Variants in GPHN observed in about 807,000 individuals in gnomAD.
The protein encoded by GPHN is gephyrin.
GPHN carries 17 observed loss-of-function variants against 95.5 expected under a neutral mutation model. The observed-to-expected ratio is 0.18, with a 90% confidence interval of 0.12 to 0.27. The LOEUF (loss-of-function observed/expected upper bound fraction) is 0.27, where lower values mean the gene tolerates loss of function less well. Ranked by LOEUF, GPHN falls within the 10% of genes least tolerant of loss-of-function variation. The pLI, the probability that GPHN is intolerant of heterozygous loss-of-function variation, is 1.00. For missense variants in GPHN, 660 were observed against 978.1 expected, an observed-to-expected ratio of 0.67 and a Z score of 4.34; for synonymous variants, 320 against 322.5, an observed-to-expected ratio of 0.99 and a Z score of 0.08.
intron 5 of GPHN, among the ~76,000 whole-genome samples, chr14:66,912,571 A>C (rs963615281): frequency 6.6e-6 from 1 of 152,112 alleles, no homozygotes; most frequent in East Asian, 1.9e-4. Flanking sequence ...TTGTTATCAG[A>C]CTTTCTTTTC....
At chr14:67,573,611 C>A in the GPHN span, among the ~76,000 whole-genome samples, 1 of 152,156 alleles carries the variant, frequency 6.6e-6, no homozygotes, top group African/African-American at 2.4e-5. The surrounding 1 kb of genome is among the most constrained non-coding windows in gnomAD (Gnocchi z 4.8). Flanking sequence ...TCAGAAGGAC[C>A]CATGTTCCTG....
At chr14:67,619,786 T>C in the GPHN span, 6 of 544,462 alleles carry the variant, frequency 1.1e-5, no homozygotes, top group Non-Finnish European at 1.9e-5. Context: ...TGCAGAGCGG[T>C]GGGCGGGGCC....
chr14:67,199,604 T>C, the GPHN span: 2 of 1,591,154 alleles, frequency 1.3e-6, no homozygotes, highest in Non-Finnish European at 1.7e-6. Context: ...CGAGAAGGAC[T>C]CCAAGGGTGA....
the GPHN span, among the ~76,000 whole-genome samples, chr14:67,307,337 C>T: frequency 1.3e-5 from 2 of 152,126 alleles, no homozygotes; most frequent in African/African-American, 4.8e-5. Context: ...GCATAATAGA[C>T]TTTTATCTGA....
At chr14:67,693,854 C>A in the GPHN span, among the ~76,000 whole-genome samples, 1 of 151,972 alleles carries the variant, frequency 6.6e-6, no homozygotes, top group Non-Finnish European at 1.5e-5. Context: ...TTTCACCACG[C>A]TGGCCAGGAT....
At chr14:67,345,043 A>G in the GPHN span, among the ~76,000 whole-genome samples, 1 of 152,192 alleles carries the variant, frequency 6.6e-6, no homozygotes, top group African/African-American at 2.4e-5. Flanking sequence ...GGAGTTCGAG[A>G]CCAGCCTGGA....
chr14:66,826,763 C>T (rs559176992), intron 4 of GPHN, among the ~76,000 whole-genome samples: 6 of 152,190 alleles, frequency 3.9e-5, no homozygotes, highest in South Asian at 4.2e-4. Context: ...CAGTATTTAG[C>T]GCCCCTCCGG....
At chr14:67,008,251 A>G (rs2072738452) in intron 9 of GPHN, among the ~76,000 whole-genome samples, 1 of 151,994 alleles carries the variant, frequency 6.6e-6, no homozygotes, top group Non-Finnish European at 1.5e-5. Context: ...CAGGAGTTCA[A>G]GACCAGCCTG....
chr14:67,218,323 G>A, the GPHN span, among the ~76,000 whole-genome samples: 2 of 152,198 alleles, frequency 1.3e-5, no homozygotes, highest in African/African-American at 4.8e-5. Context: ...GGATGTGGGT[G>A]CACAGCTGCT....
chr14:67,731,230 T>C, the GPHN span, among the ~76,000 whole-genome samples: 204 of 138,822 alleles, frequency 1.5e-3, 2 homozygotes, highest in Non-Finnish European at 2.5e-3. Flanking sequence ...TTTTTTTTTT[T>C]TGGAGACATA....
chr14:66,960,227 G>A (rs894949728), intron 8 of GPHN, among the ~76,000 whole-genome samples: 1 of 149,680 alleles, frequency 6.7e-6, no homozygotes, highest in Non-Finnish European at 1.5e-5. Flanking sequence ...TGTCTAGTCA[G>A]CTCAGTGTCT....
At chr14:67,065,622 G>T (rs2076018705) in intron 11 of GPHN, among the ~76,000 whole-genome samples, 1 of 152,010 alleles carries the variant, frequency 6.6e-6, no homozygotes, top group African/African-American at 2.4e-5. Flanking sequence ...CCTGTCTTGG[G>T]TGCATATATA....
chr14:67,395,902 G>C, the GPHN span, among the ~76,000 whole-genome samples: 5 of 152,146 alleles, frequency 3.3e-5, no homozygotes, highest in African/African-American at 9.7e-5. Context: ...CTACACTGAA[G>C]AGGGAAATGC....
the GPHN span, among the ~76,000 whole-genome samples, chr14:67,205,303 TA>T: frequency 6.6e-6 from 1 of 152,120 alleles, no homozygotes; most frequent in African/African-American, 2.4e-5. Context: ...ACCCTTAACA[TA>T]AATCTTAGCC....
At chr14:66,538,129 G>A (rs72724576) in intron 1 of GPHN, among the ~76,000 whole-genome samples, 151 of 152,286 alleles carry the variant, frequency 9.9e-4, no homozygotes, top group Non-Finnish European at 1.3e-3. Context: ...ACCATGTCCA[G>A]CCTGAATCTT....
intron 18 of GPHN, among the ~76,000 whole-genome samples, chr14:67,147,479 A>G (rs2080966715): frequency 6.6e-6 from 1 of 151,802 alleles, no homozygotes; most frequent in South Asian, 2.1e-4. Flanking sequence ...TTTGAGATAC[A>G]TATGTAAGTA....
At chr14:66,868,416 CAG>C (rs1205384459) in intron 4 of GPHN, among the ~76,000 whole-genome samples, 2 of 151,924 alleles carry the variant, frequency 1.3e-5, no homozygotes, top group African/African-American at 4.8e-5. Flanking sequence ...TTTTTTAAGA[CAG>C]AGTCTCACTC....
the GPHN span, among the ~76,000 whole-genome samples, chr14:67,460,495 G>C: frequency 6.6e-6 from 1 of 152,174 alleles, no homozygotes; most frequent in South Asian, 2.1e-4. Flanking sequence ...ATGAGGTCAG[G>C]AGTTCGAGAC....
At chr14:67,229,080 CCT>C in the GPHN span, among the ~76,000 whole-genome samples, 1 of 152,154 alleles carries the variant, frequency 6.6e-6, no homozygotes, top group South Asian at 2.1e-4. Flanking sequence ...ACTATTTTCC[CCT>C]GTTTTACAGG....
Sources: allele counts gnomAD v4.1 joint callset (sites outside exome capture counted in the v4.1 genomes callset), GRCh38; gene constraint gnomAD v4.1.1; non-coding constraint Gnocchi (gnomAD v3.1); transcripts MANE v1.5; gene names NCBI Gene and HGNC (gene_info 2026-07-23, HGNC 2026-07-21).